ADAMTS6: variants seen among roughly 807,000 people sequenced by gnomAD.
ADAMTS6 encodes the protein A disintegrin and metalloproteinase with thrombospondin motifs 6.
A neutral mutation model predicts 144.3 loss-of-function variants in ADAMTS6; 23 were observed. The observed-to-expected ratio is 0.16, with a 90% CI of 0.11 to 0.23. The LOEUF (loss-of-function observed/expected upper bound fraction) is 0.23, where lower values mean the gene tolerates loss of function less well. Ranked by LOEUF, ADAMTS6 falls within the 10% of genes least tolerant of loss-of-function variation. The probability of loss-of-function intolerance (pLI) is 1.00; values close to 1 mark genes in which losing one functional copy is unlikely to be tolerated. For missense variants in ADAMTS6, 999 were observed against 1,379.6 expected, an observed-to-expected ratio of 0.72 and a Z score of 4.37; for synonymous variants, 444 against 457.5, an observed-to-expected ratio of 0.97 and a Z score of 0.38.
chr5:65,170,033 T>A (rs1191452582), intron 24 of ADAMTS6, among the ~76,000 whole-genome samples: 5 of 152,080 alleles, frequency 3.3e-5, no homozygotes, highest in Non-Finnish European at 7.4e-5. Context: ...ACTTAAAGTA[T>A]AATTAAAAAC....
At position 65,305,007 on chromosome 5, in the gene ADAMTS6, T is replaced by G. The variant is rs78360431; in HGVS notation, c.1224-4876A>C. Among the ~76,000 whole-genome samples, 1,080 of 151,970 alleles carry G rather than the reference T, an allele frequency of 7.1e-3. 10 individuals are homozygous for G. Among genetic ancestry groups the G allele is most frequent in the African/African-American group, 0.025 (1,030 of 41,440 alleles). On this transcript the variant is annotated intron_variant, in intron 9 of 24. Coordinates refer to ENST00000381055, the MANE Select transcript of ADAMTS6 (RefSeq NM_197941.4). ...ACTAGATAACAGTAGTGTATCAATGTCAAACTTTCTAATTAGACCATTGTA... is the reference window on the plus strand; with the variant it reads ...ACTAGATAACAGTAGTGTATCAATGGCAAACTTTCTAATTAGACCATTGTA...
intron 9 of ADAMTS6, among the ~76,000 whole-genome samples, chr5:65,305,901 C>G (rs937565062): frequency 1.3e-5 from 2 of 152,166 alleles, no homozygotes; most frequent in African/African-American, 4.8e-5. Context: ...CCACATCTTG[C>G]TGCAGGTGCC....
intron 7 of ADAMTS6, among the ~76,000 whole-genome samples, chr5:65,370,900 A>T (rs12153597): frequency 3.3e-5 from 5 of 152,286 alleles, no homozygotes; most frequent in Non-Finnish European, 7.4e-5. Context: ...GAGAGCAGTG[A>T]TTCTCCCAGC....
chr5:65,413,640 T>C (rs531118319), intron 7 of ADAMTS6, among the ~76,000 whole-genome samples: 6 of 152,242 alleles, frequency 3.9e-5, no homozygotes, highest in Non-Finnish European at 8.8e-5. Flanking sequence ...TGTAACCTGA[T>C]GCCATAATGT....
In ADAMTS6 at chr5:65,175,117, C is replaced by G. The variant is rs1327003704; in HGVS notation, c.2911-2109G>C. Among the ~76,000 whole-genome samples the G allele has an allele frequency of 4.6e-5, 7 of 151,968 alleles. No homozygotes were observed. In the East Asian group the frequency reaches 5.8e-4, roughly 13 times the overall value. On this transcript the variant is annotated intron_variant, in intron 22 of 24. Transcript: ENST00000381055. ...ACAGCTGGTTTTAGACCCCACACCC[C>G]CCTCACCAGTGGTTGAGAGAACAGC...
chr5:65,354,946 A>G (rs970607727), intron 7 of ADAMTS6, among the ~76,000 whole-genome samples: 1 of 151,868 alleles, frequency 6.6e-6, no homozygotes, highest in African/African-American at 2.4e-5. Context: ...TGTGGCAACT[A>G]TGAAGGCATA....
intron 7 of ADAMTS6, among the ~76,000 whole-genome samples, chr5:65,419,878 G>C (rs1755868658): frequency 6.6e-6 from 1 of 152,138 alleles, no homozygotes. Context: ...TTCTTTTTGG[G>C]GTAATGGAAA....
At chr5:65,259,096 C>A (rs1352240415) in intron 14 of ADAMTS6, among the ~76,000 whole-genome samples, 1 of 152,018 alleles carries the variant, frequency 6.6e-6, no homozygotes, top group Non-Finnish European at 1.5e-5. Flanking sequence ...ATGGCTCACA[C>A]CTGTAATCCC....
At chr5:65,290,243 G>A (rs1561383837) in intron 11 of ADAMTS6, among the ~76,000 whole-genome samples, 3 of 152,094 alleles carry the variant, frequency 2.0e-5, no homozygotes, top group Non-Finnish European at 4.4e-5. Flanking sequence ...GGATTTAAAA[G>A]ACTATTTGCA....
intron 7 of ADAMTS6, among the ~76,000 whole-genome samples, chr5:65,449,690 G>A (rs1488819101): frequency 6.6e-6 from 1 of 151,952 alleles, no homozygotes; most frequent in Non-Finnish European, 1.5e-5. Flanking sequence ...ACATCAAAAA[G>A]GCACTCGAAG....
chr5:65,479,192 T>C (rs1013144385), intron 1 of ADAMTS6, among the ~76,000 whole-genome samples: 11 of 152,220 alleles, frequency 7.2e-5, no homozygotes, highest in African/African-American at 2.7e-4. Flanking sequence ...AATTTTTACA[T>C]ATGAAAATTA....
intron 7 of ADAMTS6, among the ~76,000 whole-genome samples, chr5:65,384,433 C>T (rs1752315710): frequency 6.6e-6 from 1 of 152,216 alleles, no homozygotes; most frequent in African/African-American, 2.4e-5. Context: ...CTCAGAAGTT[C>T]CATCTTTCAC....
chr5:65,426,265 G>T (rs1756526551), intron 7 of ADAMTS6, among the ~76,000 whole-genome samples: 1 of 146,192 alleles, frequency 6.8e-6, no homozygotes, highest in African/African-American at 2.5e-5. Flanking sequence ...TGCCATGTTG[G>T]CCAGGCTGGT....
chr5:65,297,698 G>A (rs1742978304), intron 10 of ADAMTS6, among the ~76,000 whole-genome samples: 1 of 152,288 alleles, frequency 6.6e-6, no homozygotes, highest in East Asian at 1.9e-4. Flanking sequence ...GAAAGTTACT[G>A]TTATGTCTTT....
chr5:65,397,658 C>T (rs62370702), intron 7 of ADAMTS6, among the ~76,000 whole-genome samples: 16,834 of 151,920 alleles, frequency 0.11, 1,068 homozygotes, highest in African/African-American at 0.15. Flanking sequence ...GACCAGATTG[C>T]TTGAGCTCAG....
Position 65,360,347 on chromosome 5 carries a change from C to T in ADAMTS6, c.1074-26262G>A, listed in dbSNP as rs549090495. 2.6e-4 allele frequency among the ~76,000 whole-genome samples: 39 copies of T among 152,166 alleles called. No individual in the cohort carries two copies. In the East Asian group the frequency reaches 7.1e-3, roughly 28 times the overall value. On this transcript the variant is annotated intron_variant, in intron 7 of 24. Transcript: ENST00000381055. The stretch of plus-strand genomic sequence containing the variant: ...ACCACAATAAATCACCCCCAAGATC[C>T]AATCACCCACCAGCCGCACCCACCT...
chr5:65,388,843 T>C (rs1267199116), intron 7 of ADAMTS6, among the ~76,000 whole-genome samples: 1 of 152,100 alleles, frequency 6.6e-6, no homozygotes, highest in Non-Finnish European at 1.5e-5. Context: ...ATATGAGAAA[T>C]AGATAAATAC....
chr5:65,435,789 C>T (rs1757351310), intron 7 of ADAMTS6, among the ~76,000 whole-genome samples: 1 of 151,792 alleles, frequency 6.6e-6, no homozygotes, highest in Middle Eastern at 3.2e-3. Flanking sequence ...TCACCGTACA[C>T]TAATTTTTGT....
intron 7 of ADAMTS6, among the ~76,000 whole-genome samples, chr5:65,365,060 G>A (rs1187641024): frequency 6.6e-6 from 1 of 152,062 alleles, no homozygotes; most frequent in Admixed American, 6.6e-5. Flanking sequence ...AACTTGTACT[G>A]AAACCAAAAC....
Sources: gnomAD v4.1 joint callset for allele counts (sites outside exome capture counted in the v4.1 genomes callset) on GRCh38, gnomAD v4.1.1 for gene constraint, MANE v1.5 for transcripts, NCBI Gene and HGNC (gene_info 2026-07-23, HGNC 2026-07-21) for gene names.